Variants in IGF2BP3 observed in about 807,000 individuals in gnomAD.
IGF2BP3 encodes the protein insulin like growth factor 2 mRNA binding protein 3.
IGF2BP3 carries 9 observed loss-of-function variants against 73.8 expected under a neutral mutation model. The ratio of observed to expected loss-of-function variants is 0.12; its 90% CI spans 0.07 to 0.21. The LOEUF is 0.21. IGF2BP3 is among the 10% of genes least tolerant of loss of function. The probability of loss-of-function intolerance (pLI) is 1.00; values close to 1 mark genes in which losing one functional copy is unlikely to be tolerated. For synonymous variants in IGF2BP3, 258 were observed against 256.7 expected (o/e 1.01, Z -0.05); for missense variants, 542 against 714.0 (o/e 0.76, Z 2.75).
At chr7:23,423,297 CTA>C (rs1787403559) in intron 2 of IGF2BP3, among the ~76,000 whole-genome samples, 1 of 152,224 alleles carries the variant, frequency 6.6e-6, no homozygotes, top group South Asian at 2.1e-4. Context: ...GGAGAAAAAT[CTA>C]TCTCAGTCAG....
intron 6 of IGF2BP3, among the ~76,000 whole-genome samples, chr7:23,349,406 T>G (rs182527970): frequency 1.3e-5 from 2 of 152,096 alleles, no homozygotes; most frequent in Non-Finnish European, 2.9e-5. Flanking sequence ...AAATAACTAA[T>G]AAAAAAATAG....
intron 2 of IGF2BP3, 119 bp from the exon 3 acceptor site, chr7:23,418,943 A>G (rs1165615642): frequency 6.3e-6 from 4 of 633,102 alleles, no homozygotes; most frequent in African/African-American, 1.8e-5. Context: ...ACAAACCAAT[A>G]TCTATTAAGA....
At chr7:23,374,810 A>C (rs1237373272) in intron 3 of IGF2BP3, among the ~76,000 whole-genome samples, 1 of 152,122 alleles carries the variant, frequency 6.6e-6, no homozygotes, top group Admixed American at 6.5e-5. Context: ...CGGTCTGAGA[A>C]ATAAAGGGAC....
intron 2 of IGF2BP3, among the ~76,000 whole-genome samples, chr7:23,440,999 A>C (rs1787919815): frequency 6.6e-6 from 1 of 152,140 alleles, no homozygotes; most frequent in South Asian, 2.1e-4. Context: ...GGGACTTGGG[A>C]AGGCTTTACA....
rs191700572 is a variant in IGF2BP3, at chr7:23,379,821, T to C, written c.286-18080A>G. ...CCCAGTCCATACTTGGTTTGGAACC[T>C]ATATGCTCTTATAGCTTATATTTGG... is the stretch of plus-strand genomic sequence containing the variant. On this transcript the variant is annotated intron_variant, in intron 3 of 14. Coordinates refer to ENST00000258729, the MANE Select transcript of IGF2BP3 (RefSeq NM_006547.3). Among the ~76,000 whole-genome samples the C allele has an allele frequency of 4.1e-4, 62 of 152,344 alleles. No homozygotes were observed. The East Asian group carries it at 9.6e-3, about 24-fold the overall frequency.
intron 3 of IGF2BP3, among the ~76,000 whole-genome samples, chr7:23,387,260 T>C (rs1419556144): frequency 6.6e-6 from 1 of 152,108 alleles, no homozygotes; most frequent in Non-Finnish European, 1.5e-5. Context: ...TCACACAAGT[T>C]CCAACTGAGG....
chr7:23,357,836 T>C (rs908821243), intron 5 of IGF2BP3, among the ~76,000 whole-genome samples: 34 of 152,248 alleles, frequency 2.2e-4, no homozygotes, highest in African/African-American at 8.0e-4. Flanking sequence ...AAGTTCTGTC[T>C]TAAAGATACA....
chr7:23,351,615 A>T, intron 5 of IGF2BP3, 29 bp from the exon 6 acceptor site: 1 of 1,610,688 alleles, frequency 6.2e-7, no homozygotes, highest in South Asian at 1.1e-5. Context: ...CAGGGGTGGG[A>T]AAAGGAATCA....
intron 2 of IGF2BP3, among the ~76,000 whole-genome samples, chr7:23,440,423 G>A (rs1787905075): frequency 2.0e-5 from 3 of 152,238 alleles, no homozygotes; most frequent in Admixed American, 1.3e-4. Flanking sequence ...GCAACAGAGA[G>A]AGACTCTGTT....
intron 2 of IGF2BP3, among the ~76,000 whole-genome samples, chr7:23,446,889 C>A (rs1280007693): frequency 6.6e-6 from 1 of 152,152 alleles, no homozygotes; most frequent in East Asian, 1.9e-4. Context: ...AATATCACTT[C>A]TGAGGAATTC....
chr7:23,415,180 T>C, intron 3 of IGF2BP3: 1 of 223,188 alleles, frequency 4.5e-6, no homozygotes, highest in Non-Finnish European at 9.0e-6. Flanking sequence ...GTCCCGTCCG[T>C]CAGTCGGCTT....
chr7:23,414,103 T>C (rs1409417875), intron 3 of IGF2BP3: 3 of 152,110 alleles, frequency 2.0e-5, no homozygotes, highest in Non-Finnish European at 4.4e-5. Context: ...TGAGCCGAGA[T>C]TGTGCCACTG....
In IGF2BP3 at chr7:23,322,616, T is replaced by C. The variant is rs972045223; in HGVS notation, c.1204-3362A>G. On this transcript the variant is annotated intron_variant, in intron 10 of 14. Coordinates refer to ENST00000258729, the MANE Select transcript of IGF2BP3 (RefSeq NM_006547.3). Reference sequence around the variant, plus strand: ...AGAAGAGCAACTCCAAGACACATAATTGTCAGATTCACCAAAGTTGAAATG... The same window carrying C: ...AGAAGAGCAACTCCAAGACACATAACTGTCAGATTCACCAAAGTTGAAATG... Among the ~76,000 whole-genome samples the C allele has an allele frequency of 5.7e-4, 87 of 152,102 alleles. 1 individual carries two copies. Among genetic ancestry groups the C allele is most frequent in the African/African-American group, 2.0e-3 (83 of 41,482 alleles).
chr7:23,364,969 C>G (rs1187766851), intron 3 of IGF2BP3, among the ~76,000 whole-genome samples: 1 of 152,122 alleles, frequency 6.6e-6, no homozygotes, highest in East Asian at 1.9e-4. Flanking sequence ...AGTTTGAGAC[C>G]AGCCTGGCCA....
chr7:23,461,082 G>T (rs1051679679), intron 2 of IGF2BP3, among the ~76,000 whole-genome samples: 1 of 152,002 alleles, frequency 6.6e-6, no homozygotes, highest in African/African-American at 2.4e-5. Context: ...GAGCCAGGCC[G>T]AGATTTAACA....
chr7:23,359,034 C>G (rs1051058930), intron 5 of IGF2BP3, among the ~76,000 whole-genome samples: 2 of 152,208 alleles, frequency 1.3e-5, no homozygotes, highest in African/African-American at 4.8e-5. Flanking sequence ...ATCAAAATGC[C>G]TAATTTATTT....
chr7:23,343,622 TGATAA>T, intron 9 of IGF2BP3, 91 bp downstream of exon 9: 1 of 1,208,548 alleles, frequency 8.3e-7, no homozygotes, highest in African/African-American at 1.5e-5. Context: ...CTACTTCTAG[TGATAA>T]TGCCACAAAA....
At chr7:23,383,746 G>A (rs550571373) in intron 3 of IGF2BP3, among the ~76,000 whole-genome samples, 29 of 152,240 alleles carry the variant, frequency 1.9e-4, no homozygotes, top group African/African-American at 5.5e-4. Context: ...ATGGACTGAC[G>A]AACGGATAAA....
chr7:23,375,027 GCTCATATATTCACAT>G (rs996538300), intron 3 of IGF2BP3, among the ~76,000 whole-genome samples: 1 of 152,194 alleles, frequency 6.6e-6, no homozygotes, highest in African/African-American at 2.4e-5. Context: ...ATGTGTATAT[GCTCATATATTCACAT>G]ATATACCCAA....
Sources: allele counts gnomAD v4.1 joint callset (sites outside exome capture counted in the v4.1 genomes callset), GRCh38; gene constraint gnomAD v4.1.1; transcripts MANE v1.5; gene names NCBI Gene and HGNC (gene_info 2026-07-23, HGNC 2026-07-21).